Variants in DISC1 observed in about 807,000 individuals in gnomAD.
DISC1 encodes DISC1 scaffold protein, also known as disrupted in schizophrenia 1 protein.
A neutral mutation model predicts 84.5 loss-of-function variants in DISC1; 57 were observed. That is an observed-to-expected ratio of 0.67 (90% CI 0.55 to 0.84). The LOEUF (loss-of-function observed/expected upper bound fraction) is 0.84. Ranked by LOEUF, DISC1 falls within the 40% of genes least tolerant of loss-of-function variation. The probability of loss-of-function intolerance (pLI) is 0.00; values close to 1 mark genes in which losing one functional copy is unlikely to be tolerated. For synonymous variants in DISC1, 411 were observed against 415.2 expected (o/e 0.99, Z 0.12); for missense variants, 1,000 against 1,057.8 (o/e 0.95, Z 0.76).
chr1:231,778,587 G>A (rs936152476), intron 6 of DISC1, among the ~76,000 whole-genome samples: 26 of 151,992 alleles, frequency 1.7e-4, no homozygotes, highest in African/African-American at 6.3e-4. Context: ...CTTAGACCTC[G>A]CCTCACCATT....
chr1:231,839,162 A>G (rs1255492422), intron 9 of DISC1, among the ~76,000 whole-genome samples: 6 of 152,162 alleles, frequency 3.9e-5, no homozygotes, highest in Admixed American at 1.3e-4. Context: ...GTGTTGTTTT[A>G]GGGAAGAGGA....
Position 231,827,592 on chromosome 1 carries a change from C to T in DISC1, c.1981+9075C>T, listed in dbSNP as rs776385879. 3.2e-4 allele frequency among the ~76,000 whole-genome samples: 49 copies of T among 152,264 alleles called. No homozygotes were observed. The Middle Eastern group carries it at 0.02, about 63-fold the overall frequency. On this transcript the variant is annotated intron_variant, in intron 9 of 12. Transcript: ENST00000439617. ...AGATGGTATTTACTGGAGAGATCAT[C>T]ACTTGTTGCTAATTTGATTTTTCAG...
intron 4 of DISC1, among the ~76,000 whole-genome samples, chr1:231,760,197 A>T (rs1371884236): frequency 6.6e-6 from 1 of 152,220 alleles, no homozygotes; most frequent in Non-Finnish European, 1.5e-5. Context: ...TGGAAGAATT[A>T]TAAAGTTACC....
chr1:231,810,771 C>T (rs751299752), intron 8 of DISC1, among the ~76,000 whole-genome samples: 3 of 152,096 alleles, frequency 2.0e-5, no homozygotes, highest in Admixed American at 6.6e-5. Flanking sequence ...AAGTTGGAAT[C>T]GGGGACAAAA....
intron 8 of DISC1, among the ~76,000 whole-genome samples, chr1:231,804,460 CTTTTTTTTT>C (rs559499171): frequency 1.4e-5 from 2 of 140,106 alleles, no homozygotes; most frequent in Non-Finnish European, 3.1e-5. Context: ...ATCCCCCTTC[CTTTTTTTTT>C]TTTTTTGAGG....
chr1:231,789,561 C>T (rs548301000), intron 6 of DISC1, among the ~76,000 whole-genome samples: 10 of 152,092 alleles, frequency 6.6e-5, no homozygotes, highest in East Asian at 3.9e-4. Context: ...GAGAGGTGCC[C>T]GTGGCTTGGA....
Position 232,009,275 on chromosome 1 carries a change from C to T in DISC1, c.2307+226C>T. 1 of 1,334,780 alleles carries T rather than the reference C, an allele frequency of 7.5e-7. No homozygotes were observed. The highest frequency in any genetic ancestry group is 9.6e-7 in the Non-Finnish European group (1 of 1,041,710). The allele number at this position is 1,334,780 out of a possible 1,614,324, so 82.7% of individuals were successfully genotyped here. On this transcript the variant is annotated intron_variant, in intron 11 of 12. Coordinates refer to ENST00000439617, the MANE Select transcript of DISC1 (RefSeq NM_018662.3). This position sits in a 1 kb window ranked among gnomAD's most constrained non-coding sequence, Gnocchi z 4.6. ...ACCCAACTTTTGGCATATTTAGTTC[C>T]ATTTTCATTCTAATTTAGTGGCTAG...
intron 9 of DISC1, among the ~76,000 whole-genome samples, chr1:231,955,922 A>G (rs529185912): frequency 6.6e-6 from 1 of 152,350 alleles, no homozygotes; most frequent in East Asian, 1.9e-4. Flanking sequence ...CTATTGGGAC[A>G]TAGAATATGA....
intron 9 of DISC1, among the ~76,000 whole-genome samples, chr1:231,886,654 C>T (rs574604159): frequency 1.3e-5 from 2 of 152,202 alleles, no homozygotes; most frequent in African/African-American, 4.8e-5. Context: ...AAATACTCAG[C>T]GCTCAACTCC....
rs143376347 is a variant in DISC1, at chr1:231,644,464, C to T, written c.67+17530C>T. ...AGGCACTGGTGGGAGACCAGTAAGACGGAGAGAAAAACTTCCTGATTCTGG... is the reference window on the plus strand; with the variant it reads ...AGGCACTGGTGGGAGACCAGTAAGATGGAGAGAAAAACTTCCTGATTCTGG... On this transcript the variant is annotated intron_variant, in intron 1 of 12. Transcript: ENST00000439617. Among the ~76,000 whole-genome samples, 210 of 152,256 alleles carry T rather than the reference C, an allele frequency of 1.4e-3. 1 individual carries two copies. The highest frequency in any genetic ancestry group is 4.9e-3 in the African/African-American group (202 of 41,558).
intron 9 of DISC1, among the ~76,000 whole-genome samples, chr1:231,898,226 A>C (rs2087861233): frequency 6.6e-6 from 1 of 152,248 alleles, no homozygotes; most frequent in South Asian, 2.1e-4. Flanking sequence ...AATTACACAT[A>C]ATAACCCATC....
intron 3 of DISC1, among the ~76,000 whole-genome samples, chr1:231,713,703 GATATAT>G (rs141599033): frequency 0.3 from 38,833 of 129,336 alleles, 6,122 homozygotes; most frequent in East Asian, 0.37. Context: ...ATATATAGGA[GATATAT>G]ATATATATAT....
chr1:231,646,954 T>C (rs1450055782), intron 1 of DISC1, among the ~76,000 whole-genome samples: 1 of 152,238 alleles, frequency 6.6e-6, no homozygotes, highest in African/African-American at 2.4e-5. Flanking sequence ...TTGTAGATTC[T>C]GGATATTAGC....
At chr1:231,924,802 G>T (rs1021589455) in intron 9 of DISC1, among the ~76,000 whole-genome samples, 3 of 151,642 alleles carry the variant, frequency 2.0e-5, no homozygotes, top group Non-Finnish European at 4.4e-5. Flanking sequence ...GATTACAGGC[G>T]CCTGCCACCA....
chr1:231,664,280 C>G (rs933569711), intron 1 of DISC1, among the ~76,000 whole-genome samples: 7 of 152,200 alleles, frequency 4.6e-5, no homozygotes, highest in Middle Eastern at 3.4e-3. Flanking sequence ...CAATATTTAC[C>G]TTTCAGTTCT....
In DISC1 at chr1:232,008,832, C is replaced by T. The variant is rs374463501; in HGVS notation, c.2090C>T (p.Ala697Val). ...LGKVWEADLE[A>V]CRLLIQSLQL... is the part of the protein sequence containing the mutation. ...AAAGTGTGGGAAGCTGACTTGGAAG[C>T]TTGTCGATTGCTTATCCAGAGCCTA... Residue 697 changes from alanine (A) to valine (V), a missense_variant, in exon 11 of 13, where the codon GCT becomes GTT. Transcript: ENST00000439617. The T allele has an allele frequency of 3.6e-5, 57 of 1,603,016 alleles. No individual in the cohort carries two copies. Among genetic ancestry groups the T allele is most frequent in the Non-Finnish European group, 4.8e-5 (56 of 1,173,512 alleles).
At position 231,693,816 on chromosome 1, in the gene DISC1, T is replaced by G. The variant is rs779866102; in HGVS notation, c.68-10T>G. ...CATGTTTATGGTGCTGTTTTTTCTTTTCTTCCCAGGCAGCCGGGATTGCTT... is the reference window on the plus strand; with the variant it reads ...CATGTTTATGGTGCTGTTTTTTCTTGTCTTCCCAGGCAGCCGGGATTGCTT... On this transcript the variant is annotated splice_polypyrimidine_tract_variant and intron_variant, in intron 1 of 12. Coordinates refer to ENST00000439617, the MANE Select transcript of DISC1 (RefSeq NM_018662.3). 2 of 1,612,928 alleles carry G rather than the reference T, an allele frequency of 1.2e-6. No homozygotes were observed. The highest frequency in any genetic ancestry group is 3.3e-5 in the Admixed American group (2 of 60,016).
chr1:231,760,886 C>T (rs185884108), intron 4 of DISC1, among the ~76,000 whole-genome samples: 2 of 152,284 alleles, frequency 1.3e-5, no homozygotes, highest in African/African-American at 4.8e-5. Flanking sequence ...TCATCACAGG[C>T]GTGCACCCCT....
chr1:231,789,409 A>G (rs931257780), intron 6 of DISC1, among the ~76,000 whole-genome samples: 1 of 152,070 alleles, frequency 6.6e-6, no homozygotes, highest in African/African-American at 2.4e-5. Context: ...ACTTGGCTCG[A>G]CTCAGGTGTG....
Sources: gnomAD v4.1 joint callset for allele counts (sites outside exome capture counted in the v4.1 genomes callset) on GRCh38, gnomAD v4.1.1 for gene constraint, Gnocchi (gnomAD v3.1) non-coding constraint, MANE v1.5 for transcripts, NCBI Gene and HGNC (gene_info 2026-07-23, HGNC 2026-07-21) for gene names.